The following IDE variants were observed in gnomAD, a reference collection of about 807,000 sequenced individuals.
IDE encodes insulin-degrading enzyme.
IDE carries 58 observed loss-of-function variants against 133.2 expected under a neutral mutation model. The observed-to-expected ratio is 0.44, with a 90% CI of 0.35 to 0.54. The LOEUF is 0.54. IDE is among the 20% of genes least tolerant of loss of function. The pLI, the probability that IDE is intolerant of heterozygous loss-of-function variation, is 0.00. For missense variants in IDE, 981 were observed against 1,234.0 expected, an observed-to-expected ratio of 0.79 and a Z score of 3.07; for synonymous variants, 396 against 421.3, an observed-to-expected ratio of 0.94 and a Z score of 0.73.
chr10:92,543,971 G>A (rs1456222984), intron 1 of IDE, among the ~76,000 whole-genome samples: 2 of 152,132 alleles, frequency 1.3e-5, no homozygotes, highest in Admixed American at 6.6e-5. Flanking sequence ...CGTGGGTCAC[G>A]CCTGTAATCC....
At chr10:92,572,400 GA>G (rs1330717344) in intron 1 of IDE, among the ~76,000 whole-genome samples, 7 of 152,162 alleles carry the variant, frequency 4.6e-5, no homozygotes, top group Non-Finnish European at 5.9e-5. Flanking sequence ...AAACAGAGGA[GA>G]ACAAGTTCCA....
At chr10:92,463,399 G>T (rs574812061) in intron 21 of IDE, among the ~76,000 whole-genome samples, 2 of 152,202 alleles carry the variant, frequency 1.3e-5, no homozygotes, top group Admixed American at 1.3e-4. Flanking sequence ...CATTTTTTTA[G>T]TATTATGGGA....
intron 4 of IDE, among the ~76,000 whole-genome samples, chr10:92,531,201 A>G (rs1564654423): frequency 6.6e-6 from 1 of 152,178 alleles, no homozygotes; most frequent in Non-Finnish European, 1.5e-5. Context: ...AGAAAAAGGT[A>G]CAATTATAAA....
At position 92,454,440 on chromosome 10, in the gene IDE, A is replaced by C; in HGVS notation, c.*4T>G. ...ACTTGCACTTTCCCATGCATGGGGA[A>C]TCTTCAGAGTTTTGCAGCCATGAAG... On this transcript the variant is annotated 3_prime_UTR_variant, in exon 25 of 25. Coordinates refer to ENST00000265986, the MANE Select transcript of IDE (RefSeq NM_004969.4). 1.0e-5 allele frequency: 16 copies of C among 1,597,012 alleles called. No homozygotes were observed. Among genetic ancestry groups the C allele is most frequent in the Non-Finnish European group, 1.4e-5 (16 of 1,164,376 alleles).
At chr10:92,512,962 A>G (rs973979571) in intron 5 of IDE, among the ~76,000 whole-genome samples, 4 of 152,204 alleles carry the variant, frequency 2.6e-5, no homozygotes, top group Non-Finnish European at 4.4e-5. Context: ...ACAATGTACC[A>G]CCCACCACTT....
intron 11 of IDE, among the ~76,000 whole-genome samples, chr10:92,500,347 A>G (rs1387626961): frequency 2.6e-5 from 4 of 152,142 alleles, no homozygotes; most frequent in African/African-American, 9.7e-5. Flanking sequence ...TAAAGAAAAT[A>G]TGGTATATAC....
intron 14 of IDE, among the ~76,000 whole-genome samples, chr10:92,481,683 C>T (rs562436356): frequency 3.7e-4 from 56 of 152,270 alleles, no homozygotes; most frequent in African/African-American, 1.3e-3. Flanking sequence ...AGGATATAGA[C>T]ACACACATGA....
At chr10:92,496,210 A>C (rs1847693751) in intron 11 of IDE, among the ~76,000 whole-genome samples, 2 of 152,218 alleles carry the variant, frequency 1.3e-5, no homozygotes, top group Non-Finnish European at 2.9e-5. Context: ...AAGTCAAGAA[A>C]GATTAGGCTT....
chr10:92,552,923 G>C (rs1410449399), intron 1 of IDE, among the ~76,000 whole-genome samples: 1 of 146,324 alleles, frequency 6.8e-6, no homozygotes, highest in Admixed American at 6.9e-5. Context: ...CAAGGGCTAG[G>C]GCAAGAAAAA....
chr10:92,566,485 T>A (rs1843557869), intron 1 of IDE, among the ~76,000 whole-genome samples: 1 of 151,444 alleles, frequency 6.6e-6, no homozygotes, highest in Non-Finnish European at 1.5e-5. Flanking sequence ...GAGGTTATGA[T>A]GATAAGTGAA....
chr10:92,504,190 CCTCT>C (rs1353774496), intron 11 of IDE, among the ~76,000 whole-genome samples: 3 of 152,064 alleles, frequency 2.0e-5, no homozygotes, highest in Non-Finnish European at 4.4e-5. Flanking sequence ...AATTATATTC[CCTCT>C]ATCATTTGAC....
At chr10:92,563,474 T>C (rs1381771988) in intron 1 of IDE, among the ~76,000 whole-genome samples, 1 of 148,762 alleles carries the variant, frequency 6.7e-6, no homozygotes, top group Non-Finnish European at 1.5e-5. Flanking sequence ...AAAAAAAGGC[T>C]GGGCATGGTG....
At chr10:92,471,746 G>C (rs1487067928) in intron 17 of IDE, among the ~76,000 whole-genome samples, 1 of 152,052 alleles carries the variant, frequency 6.6e-6, no homozygotes, top group Non-Finnish European at 1.5e-5. Flanking sequence ...ACAGAGTCTT[G>C]CTCTGTCACC....
intron 19 of IDE, among the ~76,000 whole-genome samples, chr10:92,466,877 CA>C (rs1845723953): frequency 6.6e-6 from 1 of 151,684 alleles, no homozygotes; most frequent in African/African-American, 2.4e-5. Context: ...CTCAGCCTCC[CA>C]AAGTGCTGGG....
In IDE at chr10:92,573,988, G is replaced by A. The variant is rs1183618952; in HGVS notation, c.32C>T (p.Pro11Leu). The A allele has an allele frequency of 4.0e-6, 6 of 1,510,082 alleles. No individual in the cohort carries two copies. The highest frequency in any genetic ancestry group is 4.5e-5 in the Admixed American group (2 of 44,942). 93.5% of individuals were successfully genotyped at this position (1,510,082 alleles called of 1,614,324 possible). MRYRLAWLLH[P>L]ALPSTFRSVL... ...TGAGCGGAAGGTGCTGGGCAGTGCG[G>A]GGTGCAGAAGCCACGCTAGCCGGTA... Residue 11 changes from proline (P) to leucine (L), a missense_variant, in exon 1 of 25, where the codon CCC becomes CTC. Physicochemically the swap from Pro to Leu is moderately conservative, Grantham distance 98. Transcript: ENST00000265986.
At chr10:92,473,383 A>G (rs1846081283) in intron 17 of IDE, among the ~76,000 whole-genome samples, 1 of 151,996 alleles carries the variant, frequency 6.6e-6, no homozygotes, top group Admixed American at 6.6e-5. Context: ...CCTGAAAGTA[A>G]TTTCTTTACA....
intron 5 of IDE, among the ~76,000 whole-genome samples, chr10:92,512,667 G>GCATT (rs1215585067): frequency 1.3e-5 from 2 of 151,470 alleles, no homozygotes; most frequent in African/African-American, 4.9e-5. Context: ...CAAGCACATA[G>GCATT]CATTACAGAG....
At position 92,463,967 on chromosome 10, in the gene IDE, C is replaced by T. The variant is rs1390749800; in HGVS notation, c.2525G>A (p.Gly842Asp). The T allele has an allele frequency of 6.2e-7, 1 of 1,613,886 alleles. No individual in the cohort carries two copies. The highest frequency in any genetic ancestry group is 1.3e-5 in the African/African-American group (1 of 74,914). ...IVFSGPRRAN[G>D]IQGLRFIIQS... ...GATGATGAATCTCAAGCCCTGTATG[C>T]CATTAGCTCGACGTGGCCCGCTGAA... The change falls in exon 21 of 25, where the codon GGC becomes GAC. Residue 842 changes from glycine to aspartate, a missense_variant. Coordinates refer to ENST00000265986, the MANE Select transcript of IDE (RefSeq NM_004969.4).
intron 11 of IDE, among the ~76,000 whole-genome samples, chr10:92,498,969 TC>T (rs1329164590): frequency 2.6e-5 from 4 of 152,036 alleles, no homozygotes; most frequent in Non-Finnish European, 5.9e-5. Context: ...GGCTGATTTT[TC>T]CCCCCTGGAA....
Sources: gnomAD v4.1 joint callset for allele counts (sites outside exome capture counted in the v4.1 genomes callset) on GRCh38, gnomAD v4.1.1 for gene constraint, MANE v1.5 for transcripts, NCBI Gene and HGNC (gene_info 2026-07-23, HGNC 2026-07-21) for gene names.